Variants in CRABP1 observed in about 807,000 individuals in gnomAD.
The protein encoded by CRABP1 is cellular retinoic acid binding protein 1.
In CRABP1, 9 loss-of-function variants were observed where a neutral mutation model predicts 16.4. The ratio of observed to expected loss-of-function variants is 0.55; its 90% CI spans 0.33 to 0.96. CRABP1 has a LOEUF of 0.96. Among genes scored for constraint, CRABP1 ranks in the 40% least tolerant of loss-of-function variants. The probability of loss-of-function intolerance (pLI) is 0.03; values close to 1 mark genes in which losing one functional copy is unlikely to be tolerated. For missense variants in CRABP1, 157 were observed against 186.0 expected (o/e 0.84, Z 0.91); for synonymous variants, 72 against 70.4 (o/e 1.02, Z -0.11).
In CRABP1 at chr15:78,341,071, C is replaced by G. The variant is rs1437485790; in HGVS notation, c.99C>G (p.Ala33=). Residue 33 remains alanine (A), a synonymous_variant, in exon 2 of 4, where the codon GCC becomes GCG. Coordinates refer to ENST00000299529, the MANE Select transcript of CRABP1 (RefSeq NM_004378.3). This position sits in a 1 kb window ranked among gnomAD's most constrained non-coding sequence, Gnocchi z 5.3. ...TGAACGCCATGCTGAGGAAAGTGGC[C>G]GTAGCGGCTGCGTCCAAGCCGCACG... is the stretch of plus-strand genomic sequence containing the variant. ...LGVNAMLRKV[A]VAAASKPHVE... is the part of the protein sequence containing the mutation. 1.2e-6 allele frequency: 2 copies of G among 1,610,514 alleles called. No homozygotes were observed. Among genetic ancestry groups the G allele is most frequent in the Middle Eastern group, 1.7e-4 (1 of 5,894 alleles).
Position 78,347,920 on chromosome 15 carries a change from T to C in CRABP1, c.364-7T>C. 2 of 1,614,150 alleles carry C rather than the reference T, an allele frequency of 1.2e-6. No individual in the cohort carries two copies. Among genetic ancestry groups the C allele is most frequent in the East Asian group, 2.2e-5 (1 of 44,878 alleles). On this transcript the variant is annotated splice_region_variant and splice_polypyrimidine_tract_variant and intron_variant, in intron 3 of 3. Coordinates refer to ENST00000299529, the MANE Select transcript of CRABP1 (RefSeq NM_004378.3). ...CTGATTGGTTTTCCTTTTCTTCTTC[T>C]CTGCAGACGTTTGGCGCCGATGACG...
chr15:78,341,918 ATTTGGT>A lies in CRABP1; in HGVS notation c.249+699_249+704del. Among the ~76,000 whole-genome samples the A allele has an allele frequency of 6.6e-6, 1 of 152,150 alleles. No individual in the cohort carries two copies. Among genetic ancestry groups the A allele is most frequent in the Non-Finnish European group, 1.5e-5 (1 of 68,028 alleles). ...CGTTTTTTGCATGGGCAAAAATTGC[ATTTGGT>A]TAACCAGATGGAAAAATAATCACCG... On this transcript the variant is annotated intron_variant, in intron 2 of 3. Coordinates refer to ENST00000299529, the MANE Select transcript of CRABP1 (RefSeq NM_004378.3). The surrounding 1 kb of genome is among the most constrained non-coding windows in gnomAD (Gnocchi z 5.3).
chr15:78,340,775 T>A, intron 1 of CRABP1: 1 of 599,128 alleles, frequency 1.7e-6, no homozygotes, highest in African/African-American at 1.9e-5. Flanking sequence ...CGAGGAGAGA[T>A]TACTGGAGAG....
chr15:78,343,161 G>T (rs2050244432), intron 2 of CRABP1, among the ~76,000 whole-genome samples: 2 of 152,104 alleles, frequency 1.3e-5, no homozygotes, highest in South Asian at 2.1e-4. Flanking sequence ...TGTTTGAAGG[G>T]TTAGCTAATT....
In CRABP1 at chr15:78,340,459, C is replaced by A; in HGVS notation, c.31C>A (p.Arg11Ser). The change falls in exon 1 of 4, where the codon CGC becomes AGC. Residue 11 changes from arginine to serine, a missense_variant. Arg to Ser is a moderately radical substitution (Grantham distance 110). Transcript: ENST00000299529. MPNFAGTWKM[R>S]SSENFDELLK... ...CAACTTCGCCGGCACCTGGAAGATG[C>A]GCAGCAGCGAGAATTTCGACGAGCT... 2 of 1,605,520 alleles carry A rather than the reference C, an allele frequency of 1.2e-6. No individual in the cohort carries two copies. The highest frequency in any genetic ancestry group is 2.2e-5 in the East Asian group (1 of 44,632).
chr15:78,343,653 C>T (rs536244751), intron 3 of CRABP1, 41 bp downstream of exon 3: 1 of 1,564,478 alleles, frequency 6.4e-7, no homozygotes, highest in Admixed American at 1.7e-5. Flanking sequence ...GAAGTTCCCC[C>T]AGAGGGGGCC....
At chr15:78,344,462 A>T (rs919442035) in intron 3 of CRABP1, among the ~76,000 whole-genome samples, 1 of 152,070 alleles carries the variant, frequency 6.6e-6, no homozygotes, top group Non-Finnish European at 1.5e-5. Flanking sequence ...TCTCTAAAAA[A>T]AAAAAAGTAT....
intron 3 of CRABP1, among the ~76,000 whole-genome samples, chr15:78,346,249 A>T (rs1202702714): frequency 2.6e-5 from 4 of 152,180 alleles, no homozygotes; most frequent in African/African-American, 9.7e-5. Flanking sequence ...TTACGGTGGG[A>T]AAGTCAAGCC....
At position 78,341,595 on chromosome 15, in the gene CRABP1, G is replaced by A; in HGVS notation, c.249+374G>A. The A allele has an allele frequency of 3.3e-6, 1 of 306,980 alleles. No individual in the cohort carries two copies. The highest frequency in any genetic ancestry group is 6.4e-6 in the Non-Finnish European group (1 of 156,834). The allele number at this position is 306,980 out of a possible 1,614,324, so 19.0% of individuals were successfully genotyped here. A position where few individuals can be genotyped will look rare whatever the true frequency, so the allele number is the denominator to read the frequency against. ...CGCCAGGTTCTCTGTCGCAGGTGAA[G>A]CCGCAGCTCTTGCATTCCTTTCCCG... On this transcript the variant is annotated intron_variant, in intron 2 of 3. Transcript: ENST00000299529. This position sits in a 1 kb window ranked among gnomAD's most constrained non-coding sequence, Gnocchi z 5.3.
In CRABP1 at chr15:78,341,334, A is replaced by G. The variant is rs1273320995; in HGVS notation, c.249+113A>G. The G allele has an allele frequency of 7.9e-7, 1 of 1,269,104 alleles. No individual in the cohort carries two copies. The highest frequency in any genetic ancestry group is 1.1e-6 in the Non-Finnish European group (1 of 891,168). The allele number at this position is 1,269,104 out of a possible 1,614,324, so 78.6% of individuals were successfully genotyped here. On this transcript the variant is annotated intron_variant, in intron 2 of 3. Transcript: ENST00000299529. The surrounding 1 kb of genome is among the most constrained non-coding windows in gnomAD (Gnocchi z 5.3). ...GCAGCCTGTGGCGCGCCTTCCTTGC[A>G]GGGTGTGTACACTGGCTGTTTGCAG...
chr15:78,347,320 C>T (rs150853846), intron 3 of CRABP1, among the ~76,000 whole-genome samples: 45 of 152,300 alleles, frequency 3.0e-4, no homozygotes, highest in Admixed American at 7.2e-4. Flanking sequence ...AAAACATTTG[C>T]CCCCAAGCTT....
chr15:78,346,608 G>T (rs769371570), intron 3 of CRABP1, among the ~76,000 whole-genome samples: 2 of 152,244 alleles, frequency 1.3e-5, no homozygotes, highest in African/African-American at 2.4e-5. Context: ...GGCAGAGGTT[G>T]CAGTGAGCTG....
chr15:78,348,136 C>T lies in CRABP1; in HGVS notation c.*159C>T. ...TTGTAGTGTCCCCCACCCCCACCCC[C>T]CAGGCCTTGGTGCCTCTTGTATCCC... On this transcript the variant is annotated 3_prime_UTR_variant, in exon 4 of 4. Transcript: ENST00000299529. 1 of 670,396 alleles carries T rather than the reference C, an allele frequency of 1.5e-6. No individual in the cohort carries two copies. Among genetic ancestry groups the T allele is most frequent in the East Asian group, 2.6e-5 (1 of 38,172 alleles). 41.5% of individuals were successfully genotyped at this position (670,396 alleles called of 1,614,324 possible).
intron 3 of CRABP1, among the ~76,000 whole-genome samples, chr15:78,346,659 G>A (rs2050267246): frequency 6.6e-6 from 1 of 152,122 alleles, no homozygotes; most frequent in Non-Finnish European, 1.5e-5. Context: ...ACAGAGTAAG[G>A]CCGTCTCAAA....
rs771049894 is a variant in CRABP1 at position 78,347,970 on chromosome 15, G to A, written c.407G>A (p.Arg136Gln). Residue 136 changes from arginine (R) to glutamine (Q), a missense_variant, in exon 4 of 4, where the codon CGA (arginine) becomes CAA (glutamine). Coordinates refer to ENST00000299529, the MANE Select transcript of CRABP1 (RefSeq NM_004378.3). ...GTGGTCTGCACCAGAATTTATGTCC[G>A]AGAGTGAAGGCAGCTGGCTTGCTCC... ...DDVVCTRIYV[R>Q]E The A allele has an allele frequency of 9.3e-6, 15 of 1,614,000 alleles. No individual in the cohort carries two copies. Among genetic ancestry groups the A allele is most frequent in the African/African-American group, 5.3e-5 (4 of 74,908 alleles).
intron 3 of CRABP1, among the ~76,000 whole-genome samples, chr15:78,346,550 T>C (rs2141528764): frequency 6.6e-6 from 1 of 152,294 alleles, no homozygotes. Context: ...ATGCCTGTAA[T>C]CCCAGCTACT....
At chr15:78,342,347 G>A (rs1230869810) in intron 2 of CRABP1, among the ~76,000 whole-genome samples, 1 of 151,858 alleles carries the variant, frequency 6.6e-6, no homozygotes, top group East Asian at 1.9e-4. Flanking sequence ...ATCCAATGTT[G>A]GCTACTGCCA....
chr15:78,346,243 G>T (rs572121698), intron 3 of CRABP1, among the ~76,000 whole-genome samples: 16 of 152,124 alleles, frequency 1.1e-4, no homozygotes, highest in Non-Finnish European at 2.4e-4. Context: ...GTAGACTTAC[G>T]GTGGGAAAGT....
At chr15:78,340,871 A>C (rs1252641173) in intron 1 of CRABP1, 172 bp from the exon 2 acceptor site, 1 of 709,330 alleles carries the variant, frequency 1.4e-6, no homozygotes, top group South Asian at 1.9e-5. Flanking sequence ...GAGGAAAGTC[A>C]CTTACCCTCT....
Sources: gnomAD v4.1 joint callset for allele counts (sites outside exome capture counted in the v4.1 genomes callset) on GRCh38, gnomAD v4.1.1 for gene constraint, Gnocchi (gnomAD v3.1) non-coding constraint, MANE v1.5 for transcripts, NCBI Gene and HGNC (gene_info 2026-07-23, HGNC 2026-07-21) for gene names.